FSTL5: variants seen among roughly 807,000 people sequenced by gnomAD.
The protein encoded by FSTL5 is follistatin like 5.
A neutral mutation model predicts 89.1 loss-of-function variants in FSTL5; 62 were observed. The observed-to-expected ratio is 0.70, with a 90% CI of 0.57 to 0.86. FSTL5 has a LOEUF of 0.86. FSTL5 is among the 40% of genes least tolerant of loss of function. FSTL5 has a pLI of 0.00. For missense variants in FSTL5, 1,057 were observed against 1,001.6 expected (o/e 1.06, Z -0.75); for synonymous variants, 383 against 346.2 (o/e 1.11, Z -1.18).
At chr4:161,588,569 T>C (rs114528356) in intron 7 of FSTL5, among the ~76,000 whole-genome samples, 149 of 152,132 alleles carry the variant, frequency 9.8e-4, no homozygotes, top group Non-Finnish European at 1.4e-3. Flanking sequence ...GACCAGAAAA[T>C]TTTCTCTTCC....
intron 6 of FSTL5, among the ~76,000 whole-genome samples, chr4:161,730,163 CTGTG>C (rs767054276): frequency 7.2e-5 from 11 of 152,160 alleles, no homozygotes; most frequent in African/African-American, 2.6e-4. Flanking sequence ...CAACTCTTCT[CTGTG>C]TGTATTTAAG....
At chr4:161,386,721 T>G (rs762303587) in intron 15 of FSTL5, 10 of 370,480 alleles carry the variant, frequency 2.7e-5, no homozygotes, top group Admixed American at 4.5e-5. Flanking sequence ...CAGCAACAAA[T>G]TTTGCTTTTA....
intron 1 of FSTL5, among the ~76,000 whole-genome samples, chr4:162,157,787 G>A (rs1228674337): frequency 6.6e-6 from 1 of 152,062 alleles, no homozygotes; most frequent in Non-Finnish European, 1.5e-5. Context: ...TCAGTAGGGA[G>A]TCTGATGCAA....
chr4:162,090,431 A>T (rs1215460149), intron 2 of FSTL5, among the ~76,000 whole-genome samples: 1 of 152,288 alleles, frequency 6.6e-6, no homozygotes, highest in Middle Eastern at 3.4e-3. Flanking sequence ...GGAAAATGAC[A>T]TTAATAGACA....
At chr4:162,129,803 A>G (rs1407770372) in intron 1 of FSTL5, among the ~76,000 whole-genome samples, 1 of 152,194 alleles carries the variant, frequency 6.6e-6, no homozygotes, top group East Asian at 1.9e-4. Flanking sequence ...AGTTTTCCAA[A>G]TTGTATAGCT....
chr4:161,829,943 C>A (rs1172058634), intron 4 of FSTL5, among the ~76,000 whole-genome samples: 2 of 151,946 alleles, frequency 1.3e-5, no homozygotes, highest in African/African-American at 2.4e-5. Flanking sequence ...AAGTTTATAA[C>A]AAGGAAAGAC....
chr4:161,883,646 A>C (rs1732706802), intron 4 of FSTL5, among the ~76,000 whole-genome samples: 1 of 152,202 alleles, frequency 6.6e-6, no homozygotes, highest in African/African-American at 2.4e-5. Flanking sequence ...AAATTTTATC[A>C]GGTACCTATT....
intron 10 of FSTL5, among the ~76,000 whole-genome samples, chr4:161,511,008 C>G (rs941988883): frequency 6.6e-6 from 1 of 151,906 alleles, no homozygotes; most frequent in East Asian, 1.9e-4. Flanking sequence ...CTGAATTGTT[C>G]TTGAACCACA....
chr4:161,445,348 T>C (rs904171296), intron 15 of FSTL5, among the ~76,000 whole-genome samples: 20 of 152,024 alleles, frequency 1.3e-4, no homozygotes, highest in African/African-American at 4.3e-4. Context: ...TATTCTTGAC[T>C]TATAAAATCA....
chr4:161,861,290 G>A (rs1320588783), intron 4 of FSTL5, among the ~76,000 whole-genome samples: 1 of 152,112 alleles, frequency 6.6e-6, no homozygotes, highest in Non-Finnish European at 1.5e-5. Context: ...GGCCATGGTG[G>A]TGCGTGCCGC....
At chr4:161,421,264 C>G (rs1731981787) in intron 15 of FSTL5, among the ~76,000 whole-genome samples, 1 of 151,804 alleles carries the variant, frequency 6.6e-6, no homozygotes, top group South Asian at 2.1e-4. Context: ...TGGCATGAAC[C>G]CGGGAGGTGG....
At chr4:161,625,437 T>C (rs1735282458) in intron 7 of FSTL5, among the ~76,000 whole-genome samples, 1 of 152,098 alleles carries the variant, frequency 6.6e-6, no homozygotes, top group African/African-American at 2.4e-5. Flanking sequence ...ATTGTCATTG[T>C]TTTCGGTTGC....
At chr4:161,990,688 T>C (rs935883269) in intron 3 of FSTL5, among the ~76,000 whole-genome samples, 10 of 152,138 alleles carry the variant, frequency 6.6e-5, no homozygotes, top group African/African-American at 2.4e-4. Context: ...AGTATAAGGA[T>C]ATTTGGCATT....
chr4:161,455,824 T>C (rs1450568745), intron 14 of FSTL5, among the ~76,000 whole-genome samples: 1 of 152,164 alleles, frequency 6.6e-6, no homozygotes, highest in Admixed American at 6.5e-5. Context: ...GCACAACCAT[T>C]GTTCTGGTAG....
intron 11 of FSTL5, among the ~76,000 whole-genome samples, chr4:161,500,923 A>C (rs891769727): frequency 6.6e-6 from 1 of 152,086 alleles, no homozygotes; most frequent in Non-Finnish European, 1.5e-5. Context: ...ATACTCATGA[A>C]CACCTGTTCT....
chr4:161,906,965 G>A (rs1461777826), intron 4 of FSTL5, among the ~76,000 whole-genome samples: 1 of 152,026 alleles, frequency 6.6e-6, no homozygotes. Flanking sequence ...ACTTACTATG[G>A]AATTAATGAA....
At chr4:161,959,489 A>G (rs1410730621) in intron 3 of FSTL5, among the ~76,000 whole-genome samples, 1 of 152,108 alleles carries the variant, frequency 6.6e-6, no homozygotes, top group Non-Finnish European at 1.5e-5. Context: ...CTACATTTTC[A>G]TGTTAAAACT....
intron 1 of FSTL5, among the ~76,000 whole-genome samples, chr4:162,153,228 T>C (rs1396934534): frequency 6.6e-6 from 1 of 152,118 alleles, no homozygotes; most frequent in Non-Finnish European, 1.5e-5. Context: ...TCAGTTATAA[T>C]TATGGATAAA....
intron 8 of FSTL5, among the ~76,000 whole-genome samples, chr4:161,585,221 A>T (rs904483758): frequency 6.6e-6 from 1 of 152,172 alleles, no homozygotes; most frequent in African/African-American, 2.4e-5. Context: ...TCCCAGCTGG[A>T]GCATGGCAAA....
Sources: allele counts gnomAD v4.1 joint callset (sites outside exome capture counted in the v4.1 genomes callset), GRCh38; gene constraint gnomAD v4.1.1; transcripts MANE v1.5; gene names NCBI Gene and HGNC (gene_info 2026-07-23, HGNC 2026-07-21).